The following RAB5B variants were observed in gnomAD, a reference collection of about 807,000 sequenced individuals.
The protein encoded by RAB5B is RAB5B, member RAS oncogene family, also known as ras-related protein Rab-5B.
RAB5B carries 11 observed loss-of-function variants against 28.6 expected under a neutral mutation model. The observed-to-expected ratio is 0.38, with a 90% CI of 0.24 to 0.64. The LOEUF (loss-of-function observed/expected upper bound fraction) is 0.64, where lower values mean the gene tolerates loss of function less well. Ranked by LOEUF, RAB5B falls within the 30% of genes least tolerant of loss-of-function variation. RAB5B has a pLI of 0.53. For synonymous variants in RAB5B, 93 were observed against 97.9 expected (o/e 0.95, Z 0.29); for missense variants, 169 against 265.6 (o/e 0.64, Z 2.53).
intron 2 of RAB5B, among the ~76,000 whole-genome samples, 162 bp downstream of exon 2, chr12:55,987,285 C>T (rs1270373282): frequency 1.3e-5 from 2 of 151,824 alleles, no homozygotes; most frequent in Non-Finnish European, 2.9e-5. Flanking sequence ...CTCAGCCTCC[C>T]GAGTAACTGG....
rs1238771881 is a variant in RAB5B at position 55,996,287 on chromosome 12, A to C, written c.*4075A>C. On this transcript the variant is annotated 3_prime_UTR_variant, in exon 6 of 6. Coordinates refer to ENST00000360299, the MANE Select transcript of RAB5B (RefSeq NM_002868.4). ...TTAAACTGATTAAAATTGCAGCTCCACCGTCCGGCCTCTAGAGGGCAGTGT... is the reference window on the plus strand; with the variant it reads ...TTAAACTGATTAAAATTGCAGCTCCCCCGTCCGGCCTCTAGAGGGCAGTGT... The C allele has an allele frequency of 6.6e-6, 1 of 152,022 alleles. No individual in the cohort carries two copies. The highest frequency in any genetic ancestry group is 1.5e-5 in the Non-Finnish European group (1 of 68,022). The allele number at this position is 152,022 out of a possible 1,614,324, so 9.4% of individuals were successfully genotyped here. A position where few individuals can be genotyped will look rare whatever the true frequency, so the allele number is the denominator to read the frequency against.
rs775144820 is a variant in RAB5B at position 55,989,989 on chromosome 12, T to C, written c.206T>C (p.Val69Ala). Residue 69 changes from valine (V) to alanine (A), a missense_variant, in exon 3 of 6, where the codon GTG becomes GCG. Transcript: ENST00000360299. ...TCCGTTTGTCTAGATGACACAACAG[T>C]GAAGTTTGAGATCTGGGACACAGCT... is the stretch of plus-strand genomic sequence containing the variant. ...TQSVCLDDTT[V>A]KFEIWDTAGQ... 2 of 1,613,542 alleles carry C rather than the reference T, an allele frequency of 1.2e-6. No homozygotes were observed. The highest frequency in any genetic ancestry group is 3.3e-4 in the Middle Eastern group (2 of 6,060).
chr12:55,984,024 TC>T (rs1444001004), intron 1 of RAB5B, among the ~76,000 whole-genome samples: 1 of 150,486 alleles, frequency 6.6e-6, no homozygotes, highest in Non-Finnish European at 1.5e-5. Flanking sequence ...GCCCCCGATC[TC>T]CCCCCTACCC....
At chr12:55,989,229 A>G (rs1362163679) in intron 2 of RAB5B, among the ~76,000 whole-genome samples, 2 of 151,816 alleles carry the variant, frequency 1.3e-5, no homozygotes, top group Non-Finnish European at 2.9e-5. Context: ...GGCATGAGCC[A>G]CTGCGCCCAG....
chr12:55,987,427 G>A (rs1278251088), intron 2 of RAB5B, among the ~76,000 whole-genome samples: 1 of 151,952 alleles, frequency 6.6e-6, no homozygotes, highest in Non-Finnish European at 1.5e-5. Context: ...GCCTCCCAAA[G>A]TGCTGGGATT....
chr12:55,979,794 C>T (rs749745065), intron 1 of RAB5B, among the ~76,000 whole-genome samples: 1 of 152,154 alleles, frequency 6.6e-6, no homozygotes, highest in Non-Finnish European at 1.5e-5. Context: ...TCTAAGCTCT[C>T]GATCCTGTCC....
chr12:55,980,527 G>C, intron 1 of RAB5B: 7 of 1,587,148 alleles, frequency 4.4e-6, no homozygotes, highest in Non-Finnish European at 6.1e-6. Flanking sequence ...ACTTGAGCAA[G>C]ATGTCCCGGG....
intron 1 of RAB5B, among the ~76,000 whole-genome samples, chr12:55,981,211 G>A (rs944179879): frequency 2.6e-5 from 4 of 151,870 alleles, no homozygotes; most frequent in Non-Finnish European, 2.9e-5. Flanking sequence ...TTACAGGCAC[G>A]CACCACCACA....
Position 55,986,899 on chromosome 12 carries a change from T to TG in RAB5B, c.-62_-61insG. On this transcript the variant is annotated 5_prime_UTR_variant, in exon 2 of 6. Coordinates refer to ENST00000360299, the MANE Select transcript of RAB5B (RefSeq NM_002868.4). ...TTGAAGCCTGGAAATCCCCTCCCCT[T>TG]CCCCCTCCCCCCTTTACAGTATCCC... 1 of 418,956 alleles carries TG rather than the reference T, an allele frequency of 2.4e-6. No homozygotes were observed. The highest frequency in any genetic ancestry group is 4.7e-6 in the Non-Finnish European group (1 of 213,284). The allele number at this position is 418,956 out of a possible 1,614,324, so 26.0% of individuals were successfully genotyped here. A position where few individuals can be genotyped will look rare whatever the true frequency, so the allele number is the denominator to read the frequency against.
chr12:55,994,949 A>G lies in RAB5B; in HGVS notation c.*2737A>G, dbSNP rs1890243624. On this transcript the variant is annotated 3_prime_UTR_variant, in exon 6 of 6. Transcript: ENST00000360299. Reference sequence around the variant, plus strand: ...CTCTTCTAAGGCCACTAGATTGTTCATCAAATCAAACCCTATTATATCTTT... The same window carrying G: ...CTCTTCTAAGGCCACTAGATTGTTCGTCAAATCAAACCCTATTATATCTTT... 1 of 152,070 alleles carries G rather than the reference A, an allele frequency of 6.6e-6. No individual in the cohort carries two copies. Among genetic ancestry groups the G allele is most frequent in the African/African-American group, 2.4e-5 (1 of 41,394 alleles). 9.4% of individuals were successfully genotyped at this position (152,070 alleles called of 1,614,324 possible).
chr12:55,987,391 T>G (rs1382983829), intron 2 of RAB5B, among the ~76,000 whole-genome samples: 1 of 151,784 alleles, frequency 6.6e-6, no homozygotes, highest in African/African-American at 2.4e-5. Flanking sequence ...CTCAAACTCC[T>G]GACCTCAGGT....
At chr12:55,976,555 C>T (rs1335771314) in intron 1 of RAB5B, among the ~76,000 whole-genome samples, 7 of 152,216 alleles carry the variant, frequency 4.6e-5, no homozygotes, top group Non-Finnish European at 7.3e-5. Context: ...ATCTCAAATT[C>T]ATGGTCTCTG....
At chr12:55,986,536 C>T (rs1345508278) in intron 1 of RAB5B, among the ~76,000 whole-genome samples, 1 of 152,154 alleles carries the variant, frequency 6.6e-6, no homozygotes, top group Non-Finnish European at 1.5e-5. Context: ...TCTGGATATT[C>T]TTCAGGCCAG....
intron 1 of RAB5B, among the ~76,000 whole-genome samples, chr12:55,986,225 T>A (rs1197228658): frequency 6.6e-6 from 1 of 152,170 alleles, no homozygotes; most frequent in Non-Finnish European, 1.5e-5. Context: ...GGCGGGCAGA[T>A]CACCTGAGGT....
intron 1 of RAB5B, among the ~76,000 whole-genome samples, chr12:55,976,576 GTC>G (rs1380847529): frequency 6.6e-6 from 1 of 152,194 alleles, no homozygotes; most frequent in African/African-American, 2.4e-5. Context: ...GATGTTCATG[GTC>G]TCTGCATGTT....
chr12:55,985,117 T>C (rs146294747), intron 1 of RAB5B, among the ~76,000 whole-genome samples: 282 of 152,320 alleles, frequency 1.9e-3, no homozygotes, highest in African/African-American at 6.1e-3. Context: ...GATGAGGAAA[T>C]GAATGCACAC....
intron 3 of RAB5B, 69 bp downstream of exon 3, chr12:55,990,167 T>A: frequency 2.0e-6 from 3 of 1,488,936 alleles, no homozygotes; most frequent in Non-Finnish European, 2.7e-6. Flanking sequence ...CCCAACACTT[T>A]AGGATGCCAA....
At chr12:55,991,321 C>T in intron 4 of RAB5B, 39 bp from the exon 5 acceptor site, 4 of 1,499,348 alleles carry the variant, frequency 2.7e-6, no homozygotes, top group Non-Finnish European at 3.7e-6. Flanking sequence ...CTCGTTCCCA[C>T]CCTACATTCT....
chr12:55,988,539 TG>T (rs1332766200), intron 2 of RAB5B, among the ~76,000 whole-genome samples: 1 of 152,182 alleles, frequency 6.6e-6, no homozygotes, highest in Non-Finnish European at 1.5e-5. Context: ...ACGGAGTCTC[TG>T]TCGCCCAGAC....
Sources: gnomAD v4.1 joint callset for allele counts (sites outside exome capture counted in the v4.1 genomes callset) on GRCh38, gnomAD v4.1.1 for gene constraint, MANE v1.5 for transcripts, NCBI Gene and HGNC (gene_info 2026-07-23, HGNC 2026-07-21) for gene names.